NELL1: variants seen among roughly 807,000 people sequenced by gnomAD.
NELL1 encodes protein kinase C-binding protein NELL1.
In NELL1, 76 loss-of-function variants were observed where a neutral mutation model predicts 107.4. The ratio of observed to expected loss-of-function variants is 0.71; its 90% CI spans 0.59 to 0.86. The LOEUF is 0.86. Ranked by LOEUF, NELL1 falls within the 40% of genes least tolerant of loss-of-function variation. The pLI, the probability that NELL1 is intolerant of heterozygous loss-of-function variation, is 0.00. For missense variants in NELL1, 1,024 were observed against 1,005.5 expected, an observed-to-expected ratio of 1.02 and a Z score of -0.25; for synonymous variants, 353 against 341.2, an observed-to-expected ratio of 1.03 and a Z score of -0.38.
rs559636614 is a variant in NELL1 at position 20,892,800 on chromosome 11, G to A, written c.603+7260G>A. 2.2e-4 allele frequency among the ~76,000 whole-genome samples: 34 copies of A among 152,182 alleles called. 1 individual carries two copies. Among genetic ancestry groups the A allele is most frequent in the East Asian group, 1.9e-3 (10 of 5,166 alleles). ...AAAACTTAGCCGGGTGTGGCGGCAC[G>A]CGCCAGTAATCTCAGCTACTTGGGA... On this transcript the variant is annotated intron_variant, in intron 5 of 19. Coordinates refer to ENST00000357134, the MANE Select transcript of NELL1 (RefSeq NM_006157.5).
At chr11:21,024,967 A>G (rs975359092) in intron 12 of NELL1, among the ~76,000 whole-genome samples, 1 of 152,148 alleles carries the variant, frequency 6.6e-6, no homozygotes, top group African/African-American at 2.4e-5. Flanking sequence ...TTCATTCATG[A>G]AACACTTGCA....
At chr11:20,703,852 C>T (rs1854865087) in intron 2 of NELL1, among the ~76,000 whole-genome samples, 1 of 152,190 alleles carries the variant, frequency 6.6e-6, no homozygotes, top group African/African-American at 2.4e-5. Context: ...AGTTTGATTG[C>T]ACTGTGGTCT....
chr11:20,681,395 AG>A (rs1225433509), intron 2 of NELL1, among the ~76,000 whole-genome samples: 1 of 152,128 alleles, frequency 6.6e-6, no homozygotes, highest in Non-Finnish European at 1.5e-5. Flanking sequence ...TCATGTAACA[AG>A]GATCCTCCAT....
intron 13 of NELL1, among the ~76,000 whole-genome samples, chr11:21,142,594 A>G: frequency 6.6e-6 from 1 of 152,234 alleles, no homozygotes; most frequent in South Asian, 2.1e-4. Flanking sequence ...GACACCTTCC[A>G]GATCATGGCC....
intron 13 of NELL1, among the ~76,000 whole-genome samples, chr11:21,123,966 T>C (rs1855430039): frequency 1.3e-5 from 2 of 152,050 alleles, no homozygotes; most frequent in African/African-American, 4.8e-5. Context: ...CTTCAAATAA[T>C]AAAAAATATG....
intron 14 of NELL1, chr11:21,283,985 C>G (rs1256718555): frequency 2.9e-6 from 1 of 350,324 alleles, no homozygotes; most frequent in African/African-American, 2.1e-5. Context: ...TGGGACTGAA[C>G]TTATGCTGCC....
intron 14 of NELL1, among the ~76,000 whole-genome samples, chr11:21,252,038 CT>C (rs1858652294): frequency 6.6e-6 from 1 of 152,046 alleles, no homozygotes; most frequent in Admixed American, 6.6e-5. Context: ...ACACGCAAGA[CT>C]GTGTCACATG....
chr11:21,118,551 T>C (rs1642037623), intron 13 of NELL1, among the ~76,000 whole-genome samples: 1 of 152,022 alleles, frequency 6.6e-6, no homozygotes, highest in African/African-American at 2.4e-5. Flanking sequence ...ATAAATGAGG[T>C]GTATGATAGA....
chr11:21,509,409 G>A (rs552134227), intron 15 of NELL1, among the ~76,000 whole-genome samples: 1 of 152,246 alleles, frequency 6.6e-6, no homozygotes, highest in South Asian at 2.1e-4. Flanking sequence ...GAACATATGA[G>A]CAGGATTGTT....
intron 12 of NELL1, among the ~76,000 whole-genome samples, chr11:21,072,403 T>C (rs1854036822): frequency 6.6e-6 from 1 of 152,176 alleles, no homozygotes; most frequent in African/African-American, 2.4e-5. Flanking sequence ...GATCTCTGGG[T>C]TTTATTTACA....
intron 13 of NELL1, among the ~76,000 whole-genome samples, chr11:21,133,743 G>T (rs1381510484): frequency 1.3e-5 from 2 of 152,056 alleles, no homozygotes; most frequent in African/African-American, 4.8e-5. Flanking sequence ...CTTGGTGGGG[G>T]GGTGGGGGAT....
chr11:21,290,179 C>G (rs1417785642), intron 14 of NELL1, among the ~76,000 whole-genome samples: 1 of 151,998 alleles, frequency 6.6e-6, no homozygotes, highest in Non-Finnish European at 1.5e-5. Flanking sequence ...ACCATCCTGT[C>G]TAACACGGTG....
chr11:21,420,375 G>T (rs1390191713), intron 15 of NELL1, among the ~76,000 whole-genome samples: 1 of 152,094 alleles, frequency 6.6e-6, no homozygotes, highest in Non-Finnish European at 1.5e-5. Context: ...GATAGTAAAG[G>T]AGTTGTAAAA....
At chr11:21,323,475 T>G (rs1850059480) in intron 14 of NELL1, among the ~76,000 whole-genome samples, 1 of 152,172 alleles carries the variant, frequency 6.6e-6, no homozygotes, top group Non-Finnish European at 1.5e-5. Context: ...ATTTAATTTT[T>G]GCCCCATTTC....
At chr11:21,055,801 G>A (rs1018800094) in intron 12 of NELL1, among the ~76,000 whole-genome samples, 2 of 152,004 alleles carry the variant, frequency 1.3e-5, no homozygotes, top group Non-Finnish European at 2.9e-5. Context: ...TACAGTTAAG[G>A]ACTGTGTTGA....
chr11:20,941,262 A>G (rs1564978169), intron 10 of NELL1, among the ~76,000 whole-genome samples: 1 of 152,218 alleles, frequency 6.6e-6, no homozygotes, highest in Non-Finnish European at 1.5e-5. Context: ...AATTCCTTTA[A>G]TTGGGTGAAA....
At chr11:21,289,528 A>T (rs2133957659) in intron 14 of NELL1, among the ~76,000 whole-genome samples, 1 of 152,240 alleles carries the variant, frequency 6.6e-6, no homozygotes, top group African/African-American at 2.4e-5. Context: ...AGACCAGGAG[A>T]TTCCCTTGGG....
chr11:21,321,501 TA>T (rs938638442), intron 14 of NELL1, among the ~76,000 whole-genome samples: 1 of 152,098 alleles, frequency 6.6e-6, no homozygotes, highest in African/African-American at 2.4e-5. Context: ...TCTTAAAAAA[TA>T]AGAGTTCTAC....
At chr11:21,071,993 A>C (rs7945892) in intron 12 of NELL1, among the ~76,000 whole-genome samples, 8 of 152,242 alleles carry the variant, frequency 5.3e-5, no homozygotes, top group Admixed American at 5.2e-4. Context: ...GCAGAAGCCC[A>C]TGAGAAGCAA....
Sources: gnomAD v4.1 joint callset for allele counts (sites outside exome capture counted in the v4.1 genomes callset) on GRCh38, gnomAD v4.1.1 for gene constraint, MANE v1.5 for transcripts, NCBI Gene and HGNC (gene_info 2026-07-23, HGNC 2026-07-21) for gene names.